The following APBB2 variants were observed in gnomAD, a reference collection of about 807,000 sequenced individuals.
APBB2 encodes Fe65-like 1.
APBB2 carries 38 observed loss-of-function variants against 82.5 expected under a neutral mutation model. The observed-to-expected ratio is 0.46, with a 90% CI of 0.36 to 0.60. The LOEUF (loss-of-function observed/expected upper bound fraction) is 0.60, where lower values mean the gene tolerates loss of function less well. APBB2 is among the 20% of genes least tolerant of loss of function. The pLI, the probability that APBB2 is intolerant of heterozygous loss-of-function variation, is 0.00. For synonymous variants in APBB2, 341 were observed against 368.2 expected, an observed-to-expected ratio of 0.93 and a Z score of 0.85; for missense variants, 772 against 972.3, an observed-to-expected ratio of 0.79 and a Z score of 2.74.
intron 1 of APBB2, among the ~76,000 whole-genome samples, chr4:41,179,479 T>C (rs1382652371): frequency 6.6e-6 from 1 of 152,206 alleles, no homozygotes; most frequent in African/African-American, 2.4e-5. Flanking sequence ...ATAGTTTTTA[T>C]CTATCAGGTC....
intron 12 of APBB2, chr4:40,857,037 G>A: frequency 2.0e-6 from 2 of 985,548 alleles, no homozygotes; most frequent in Non-Finnish European, 2.4e-6. Context: ...TTTGCCTCCC[G>A]GTCCTTCCGA....
chr4:41,191,038 GA>G (rs1774284749), intron 1 of APBB2, among the ~76,000 whole-genome samples: 1 of 152,172 alleles, frequency 6.6e-6, no homozygotes, highest in Non-Finnish European at 1.5e-5. Context: ...TCTCTGAGGA[GA>G]AGCTTGGCAG....
intron 1 of APBB2, among the ~76,000 whole-genome samples, chr4:41,150,000 T>C: frequency 6.6e-6 from 1 of 152,162 alleles, no homozygotes; most frequent in Non-Finnish European, 1.5e-5. Flanking sequence ...TACCCAGTCT[T>C]GGGTATTTCT....
chr4:40,928,884 C>T (rs1783383352), intron 10 of APBB2, among the ~76,000 whole-genome samples: 1 of 150,418 alleles, frequency 6.6e-6, no homozygotes, highest in Admixed American at 6.7e-5. Context: ...GCTCCCGTCT[C>T]AAAATGAACG....
At chr4:41,197,100 T>G in intron 1 of APBB2, among the ~76,000 whole-genome samples, 1 of 152,240 alleles carries the variant, frequency 6.6e-6, no homozygotes, top group Non-Finnish European at 1.5e-5. Flanking sequence ...TCATGTTGGC[T>G]CAACATGCCG....
intron 12 of APBB2, among the ~76,000 whole-genome samples, chr4:40,864,389 C>T (rs931959874): frequency 6.6e-6 from 1 of 152,112 alleles, no homozygotes; most frequent in African/African-American, 2.4e-5. Flanking sequence ...TCACAGCAGA[C>T]GCTTAGCTTG....
intron 2 of APBB2, chr4:41,114,042 T>C (rs1750127389): frequency 6.6e-6 from 1 of 152,298 alleles, no homozygotes; most frequent in Admixed American, 6.6e-5. Flanking sequence ...CGTTCCATAT[T>C]TTTCTTATGA....
At chr4:40,838,176 A>G (rs1577843247) in intron 12 of APBB2, among the ~76,000 whole-genome samples, 1 of 129,364 alleles carries the variant, frequency 7.7e-6, no homozygotes, top group Admixed American at 7.8e-5. Flanking sequence ...TATTATTATT[A>G]TTTTGAGACA....
chr4:40,837,552 GA>G (rs1411872590), intron 12 of APBB2, among the ~76,000 whole-genome samples: 12 of 152,150 alleles, frequency 7.9e-5, no homozygotes, highest in Admixed American at 3.3e-4. Context: ...AGATTCCCAG[GA>G]ACCTGTGGTT....
At chr4:40,860,392 T>C (rs1281932624) in intron 12 of APBB2, among the ~76,000 whole-genome samples, 1 of 152,210 alleles carries the variant, frequency 6.6e-6, no homozygotes, top group African/African-American at 2.4e-5. Context: ...ATAAAAATCC[T>C]GGACACCAAG....
At chr4:41,172,598 G>A (rs76683081) in intron 1 of APBB2, among the ~76,000 whole-genome samples, 6,468 of 152,316 alleles carry the variant, frequency 0.042, 157 homozygotes, top group African/African-American at 0.058. Context: ...ACTCTCATAC[G>A]CCAATGCCTG....
intron 6 of APBB2, among the ~76,000 whole-genome samples, chr4:40,960,313 A>G (rs1008376681): frequency 2.0e-5 from 3 of 152,166 alleles, no homozygotes; most frequent in Admixed American, 2.0e-4. Context: ...TATATAAAAC[A>G]TATAAATATA....
intron 5 of APBB2, among the ~76,000 whole-genome samples, chr4:41,021,654 A>AAT (rs1268613997): frequency 3.3e-5 from 5 of 152,212 alleles, no homozygotes; most frequent in African/African-American, 1.2e-4. Flanking sequence ...AAAATGGACC[A>AAT]ATCAGCAGGA....
intron 17 of APBB2, among the ~76,000 whole-genome samples, chr4:40,820,331 C>T (rs1162729185): frequency 3.3e-5 from 5 of 152,200 alleles, no homozygotes; most frequent in Non-Finnish European, 2.9e-5. Context: ...AACCTATCCT[C>T]TACTTGGTTG....
intron 6 of APBB2, among the ~76,000 whole-genome samples, chr4:40,966,852 G>A (rs766790633): frequency 1.3e-5 from 2 of 152,186 alleles, no homozygotes; most frequent in Non-Finnish European, 2.9e-5. Flanking sequence ...ATGGCGGCAG[G>A]AGGCAGATAG....
At chr4:40,961,411 G>A (rs910058168) in intron 6 of APBB2, among the ~76,000 whole-genome samples, 8 of 142,494 alleles carry the variant, frequency 5.6e-5, no homozygotes, top group Admixed American at 1.5e-4. Context: ...ACCAAACACC[G>A]CATATTCTCA....
Position 41,045,176 on chromosome 4 carries a change from C to T in APBB2, c.-50-11872G>A, listed in dbSNP as rs527413342. On this transcript the variant is annotated intron_variant, in intron 4 of 17. Transcript: ENST00000508593. The stretch of plus-strand genomic sequence containing the variant: ...TCTAATTCTTTCTTGAGTTCTGTCT[C>T]CTTGTCTCTGAGTTTTGCTAATTCA... Among the ~76,000 whole-genome samples, 3 of 152,086 alleles carry T rather than the reference C, an allele frequency of 2.0e-5. No individual in the cohort carries two copies. The East Asian group carries it at 5.8e-4, about 29-fold the overall frequency.
chr4:41,105,998 C>T (rs529877891), intron 2 of APBB2, among the ~76,000 whole-genome samples: 2 of 151,990 alleles, frequency 1.3e-5, no homozygotes, highest in South Asian at 2.1e-4. Flanking sequence ...TTTTCAAAGA[C>T]ATGCTGAGAT....
intron 12 of APBB2, among the ~76,000 whole-genome samples, chr4:40,869,619 A>G (rs1578098471): frequency 6.6e-6 from 1 of 152,096 alleles, no homozygotes; most frequent in Non-Finnish European, 1.5e-5. Flanking sequence ...GCCTAAAAAT[A>G]AGGCAAATGT....
Sources: gnomAD v4.1 joint callset for allele counts (sites outside exome capture counted in the v4.1 genomes callset) on GRCh38, gnomAD v4.1.1 for gene constraint, MANE v1.5 for transcripts, NCBI Gene and HGNC (gene_info 2026-07-23, HGNC 2026-07-21) for gene names.